LAMA3: variants seen among roughly 807,000 people sequenced by gnomAD.
LAMA3 encodes the protein laminin subunit alpha 3.
LAMA3 carries 281 observed loss-of-function variants against 402.0 expected under a neutral mutation model. The ratio of observed to expected loss-of-function variants is 0.70; its 90% CI spans 0.63 to 0.77. The LOEUF (loss-of-function observed/expected upper bound fraction) is 0.77, where lower values mean the gene tolerates loss of function less well. LAMA3 is among the 30% of genes least tolerant of loss of function. The pLI is 0.00. For missense variants in LAMA3, 3,840 were observed against 4,215.5 expected, an observed-to-expected ratio of 0.91 and a Z score of 2.47; for synonymous variants, 1,431 against 1,558.4, an observed-to-expected ratio of 0.92 and a Z score of 1.93.
chr18:23,916,802 T>C, intron 60 of LAMA3, 107 bp downstream of exon 60: 1 of 1,071,196 alleles, frequency 9.3e-7, no homozygotes, highest in Admixed American at 1.7e-5. Flanking sequence ...GAAAACAATG[T>C]GTAAATGTTA....
chr18:23,838,464 CAG>C (rs1216288726), intron 25 of LAMA3, among the ~76,000 whole-genome samples: 2 of 152,060 alleles, frequency 1.3e-5, no homozygotes, highest in African/African-American at 4.8e-5. Flanking sequence ...CAAGACAAGA[CAG>C]AAAAAAACAG....
chr18:23,753,925 T>C (rs2061797117), intron 6 of LAMA3, 113 bp downstream of exon 6: 4 of 764,306 alleles, frequency 5.2e-6, no homozygotes, highest in South Asian at 4.4e-5. Context: ...ATAGGAATGA[T>C]TCAGGATCAA....
intron 2 of LAMA3, among the ~76,000 whole-genome samples, chr18:23,732,013 G>C (rs1321094869): frequency 6.6e-6 from 1 of 152,200 alleles, no homozygotes; most frequent in East Asian, 1.9e-4. Flanking sequence ...TTAGGAGAAA[G>C]GGCAGCCCTG....
At chr18:23,929,750 T>TA (rs1359067134) in intron 64 of LAMA3, among the ~76,000 whole-genome samples, 1 of 152,204 alleles carries the variant, frequency 6.6e-6, no homozygotes, top group Non-Finnish European at 1.5e-5. Flanking sequence ...TGCTAACACT[T>TA]AGACTATAGG....
intron 62 of LAMA3, among the ~76,000 whole-genome samples, chr18:23,924,626 C>T (rs1423099361): frequency 6.7e-6 from 1 of 150,284 alleles, no homozygotes; most frequent in African/African-American, 2.5e-5. Context: ...CTTACTGCAA[C>T]CTCCACCTCC....
At chr18:23,741,023 G>T (rs941012829) in intron 2 of LAMA3, among the ~76,000 whole-genome samples, 1 of 151,412 alleles carries the variant, frequency 6.6e-6, no homozygotes, top group African/African-American at 2.4e-5. Context: ...GTGCGACCTT[G>T]GTTCACTGCA....
At chr18:23,935,528 G>A (rs781310086) in intron 67 of LAMA3, among the ~76,000 whole-genome samples, 3 of 152,234 alleles carry the variant, frequency 2.0e-5, no homozygotes, top group Non-Finnish European at 2.9e-5. Flanking sequence ...ATACAGCACA[G>A]CTTAGTGGTT....
In LAMA3 at chr18:23,951,790, G is replaced by A. The variant is rs1208564314; in HGVS notation, c.9736+13G>A. ...CACTCGGTGGCAGGTATGTTGTCCA[G>A]TAGCTGATTGTTCATGCACTAAAAC... On this transcript the variant is annotated intron_variant, in intron 73 of 74. Transcript: ENST00000313654. 6.3e-7 allele frequency: 1 copy of A among 1,594,118 alleles called. No individual in the cohort carries two copies. Among genetic ancestry groups the A allele is most frequent in the Admixed American group, 1.7e-5 (1 of 59,906 alleles).
In LAMA3 at chr18:23,905,426, C is replaced by T. The variant is rs2081209522; in HGVS notation, c.6616-96C>T. ...AACTCCTTCCCCCTTTGAACTTCAT[C>T]CTTAAAATTAAGGGCTTCAGACTAG... On this transcript the variant is annotated intron_variant, in intron 51 of 74. Coordinates refer to ENST00000313654, the MANE Select transcript of LAMA3 (RefSeq NM_198129.4). 6.6e-6 allele frequency: 5 copies of T among 757,324 alleles called. No homozygotes were observed. In the Admixed American group the frequency reaches 7.2e-5, roughly 11 times the overall value. The allele number at this position is 757,324 out of a possible 1,614,324, so 46.9% of individuals were successfully genotyped here. A position where few individuals can be genotyped will look rare whatever the true frequency, so the allele number is the denominator to read the frequency against.
rs530420074 is a variant in LAMA3 at position 23,840,916 on chromosome 18, T to C, written c.3336+987T>C. 4.6e-5 allele frequency among the ~76,000 whole-genome samples: 7 copies of C among 152,358 alleles called. No individual in the cohort carries two copies. In the East Asian group the frequency reaches 1.3e-3, roughly 29 times the overall value. ...TAATCTGAAAATCTGAAATCCAAAA[T>C]GTTCCAGTGAGAATTTCCTTTGAAC... On this transcript the variant is annotated intron_variant, in intron 27 of 74. Coordinates refer to ENST00000313654, the MANE Select transcript of LAMA3 (RefSeq NM_198129.4).
chr18:23,832,547 T>G (rs2063508105), intron 23 of LAMA3, among the ~76,000 whole-genome samples: 1 of 152,212 alleles, frequency 6.6e-6, no homozygotes, highest in African/African-American at 2.4e-5. Context: ...TGGGTTACAC[T>G]GCTGAGGAAT....
chr18:23,891,866 G>A (rs1016604783), intron 42 of LAMA3, among the ~76,000 whole-genome samples: 1 of 152,158 alleles, frequency 6.6e-6, no homozygotes, highest in African/African-American at 2.4e-5. Context: ...AAGTCCTCAC[G>A]TGAGAGTTAG....
At chr18:23,812,030 T>C (rs956280539) in intron 13 of LAMA3, among the ~76,000 whole-genome samples, 21 of 151,736 alleles carry the variant, frequency 1.4e-4, no homozygotes, top group Non-Finnish European at 2.1e-4. Context: ...TGTGCCACCA[T>C]GCCTAGCTAA....
At chr18:23,699,898 A>T (rs2060759835) in intron 1 of LAMA3, among the ~76,000 whole-genome samples, 1 of 152,166 alleles carries the variant, frequency 6.6e-6, no homozygotes, top group South Asian at 2.1e-4. Context: ...TACTAAGCAG[A>T]CCCAGACTTG....
chr18:23,874,263 A>T (rs1300404816), intron 38 of LAMA3, among the ~76,000 whole-genome samples: 2 of 152,250 alleles, frequency 1.3e-5, no homozygotes. Context: ...AATGTGATAT[A>T]CACTGATAAT....
chr18:23,722,822 T>C (rs571976918), intron 2 of LAMA3, among the ~76,000 whole-genome samples: 1 of 152,270 alleles, frequency 6.6e-6, no homozygotes, highest in South Asian at 2.1e-4. Context: ...TGTGACCTCC[T>C]TGGTGAGTCT....
intron 8 of LAMA3, among the ~76,000 whole-genome samples, chr18:23,773,112 T>G (rs2062237182): frequency 6.6e-6 from 1 of 152,234 alleles, no homozygotes; most frequent in African/African-American, 2.4e-5. Flanking sequence ...ACATGACCCT[T>G]GGGTTAAACT....
At chr18:23,781,187 G>T (rs1389705374) in intron 11 of LAMA3, 1 of 403,072 alleles carries the variant, frequency 2.5e-6, no homozygotes, top group Non-Finnish European at 5.1e-6. Flanking sequence ...TTCGTTTAAC[G>T]CCAAGACTGT....
chr18:23,785,846 A>T (rs1027578735), intron 12 of LAMA3, among the ~76,000 whole-genome samples: 1 of 152,240 alleles, frequency 6.6e-6, no homozygotes, highest in Admixed American at 6.5e-5. Context: ...ATTCATATGG[A>T]CAAAGCTTGT....
Sources: gnomAD v4.1 joint callset for allele counts (sites outside exome capture counted in the v4.1 genomes callset) on GRCh38, gnomAD v4.1.1 for gene constraint, MANE v1.5 for transcripts, NCBI Gene and HGNC (gene_info 2026-07-23, HGNC 2026-07-21) for gene names.